Variants in AFG2A observed in about 807,000 individuals in gnomAD.
AFG2A encodes the protein AAA ATPase AFG2A, also known as ATPase family gene 2 protein homolog A.
chr4:122,934,740 TATG>T, the AFG2A span: 1 of 1,552,210 alleles, frequency 6.4e-7, no homozygotes. Flanking sequence ...AGAGTTATGG[TATG>T]ATGTCTTCAG....
At chr4:123,281,984 A>AACT in the AFG2A span, among the ~76,000 whole-genome samples, 5 of 151,972 alleles carry the variant, frequency 3.3e-5, no homozygotes, top group Non-Finnish European at 7.4e-5. Context: ...AGGGCAGTGT[A>AACT]ACTACTGTAT....
the AFG2A span, among the ~76,000 whole-genome samples, chr4:123,106,380 C>T: frequency 5.3e-5 from 8 of 151,998 alleles, no homozygotes; most frequent in Non-Finnish European, 8.8e-5. Flanking sequence ...GCAATATTAG[C>T]TTTATTGTAG....
the AFG2A span, among the ~76,000 whole-genome samples, chr4:123,091,777 T>C: frequency 1.3e-5 from 2 of 152,244 alleles, no homozygotes; most frequent in African/African-American, 4.8e-5. Context: ...AAGTTCCTCA[T>C]CTATATCTAA....
chr4:122,936,375 G>T, the AFG2A span, among the ~76,000 whole-genome samples: 1 of 152,194 alleles, frequency 6.6e-6, no homozygotes, highest in Non-Finnish European at 1.5e-5. Flanking sequence ...AAGACATAGT[G>T]TTTGATAAGT....
chr4:123,051,174 CCTT>C, the AFG2A span, among the ~76,000 whole-genome samples: 1 of 151,400 alleles, frequency 6.6e-6, no homozygotes, highest in Non-Finnish European at 1.5e-5. Flanking sequence ...CTTTTCGTTT[CCTT>C]CTTTCTTACT....
the AFG2A span, among the ~76,000 whole-genome samples, chr4:123,299,163 A>G: frequency 7.1e-6 from 1 of 141,536 alleles, no homozygotes; most frequent in Non-Finnish European, 1.6e-5. Flanking sequence ...CTGTGCACGC[A>G]TGCATGTAGA....
chr4:123,261,292 A>G, the AFG2A span, among the ~76,000 whole-genome samples: 12 of 152,172 alleles, frequency 7.9e-5, no homozygotes, highest in African/African-American at 2.7e-4. Flanking sequence ...GTGTCTTTAC[A>G]CTAAAATTCT....
chr4:123,071,424 G>C, the AFG2A span, among the ~76,000 whole-genome samples: 1 of 151,500 alleles, frequency 6.6e-6, no homozygotes, highest in Non-Finnish European at 1.5e-5. Flanking sequence ...AGGTTGCGAT[G>C]AGCCGAGATG....
the AFG2A span, among the ~76,000 whole-genome samples, chr4:123,241,383 A>G: frequency 2.0e-5 from 3 of 152,180 alleles, no homozygotes; most frequent in East Asian, 3.9e-4. Flanking sequence ...AGAATCCTCA[A>G]TAAAATACTG....
the AFG2A span, among the ~76,000 whole-genome samples, chr4:123,297,464 G>A: frequency 6.6e-6 from 1 of 152,196 alleles, no homozygotes; most frequent in Non-Finnish European, 1.5e-5. Flanking sequence ...GCTCATGCCT[G>A]TGATCCCAGC....
the AFG2A span, chr4:122,934,720 G>C: frequency 6.3e-6 from 10 of 1,579,270 alleles, no homozygotes; most frequent in South Asian, 1.2e-4. Context: ...CAAACAGCCT[G>C]AGCTTTTCAA....
the AFG2A span, among the ~76,000 whole-genome samples, chr4:123,254,806 A>T: frequency 0.57 from 87,016 of 152,068 alleles, 26,915 homozygotes; most frequent in Non-Finnish European, 0.67. Flanking sequence ...CATTAGTTGT[A>T]AAATAATGTA....
At chr4:123,311,706 CAA>C in the AFG2A span, among the ~76,000 whole-genome samples, 3 of 150,108 alleles carry the variant, frequency 2.0e-5, no homozygotes, top group Admixed American at 2.0e-4. Context: ...AGTGATTCTG[CAA>C]AGAGGAATGC....
At chr4:122,979,175 T>A in the AFG2A span, 1 of 1,567,222 alleles carries the variant, frequency 6.4e-7, no homozygotes, top group Non-Finnish European at 8.6e-7. Flanking sequence ...AGCCATCAAT[T>A]CAGTCTGTAT....
chr4:123,067,518 C>G, the AFG2A span, among the ~76,000 whole-genome samples: 1,833 of 151,188 alleles, frequency 0.012, 43 homozygotes, highest in African/African-American at 0.041. Context: ...CTCCATCCCC[C>G]CCAAAAAAAA....
At chr4:123,174,973 AGCTGCATGCCACCAT>A in the AFG2A span, among the ~76,000 whole-genome samples, 1 of 152,090 alleles carries the variant, frequency 6.6e-6, no homozygotes, top group African/African-American at 2.4e-5. Context: ...CTGGGACAAC[AGCTGCATGCCACCAT>A]GCTTGGCTGA....
the AFG2A span, chr4:123,259,883 C>G: frequency 1.3e-5 from 2 of 152,142 alleles, no homozygotes; most frequent in Non-Finnish European, 2.9e-5. Context: ...TGACATAGGC[C>G]AAAGACTGAT....
the AFG2A span, among the ~76,000 whole-genome samples, chr4:123,139,900 A>G: frequency 1.5e-4 from 23 of 152,086 alleles, no homozygotes; most frequent in Non-Finnish European, 3.4e-4. Flanking sequence ...TTTCAGACTG[A>G]TACCCATTAT....
the AFG2A span, among the ~76,000 whole-genome samples, chr4:122,927,465 A>G: frequency 6.6e-6 from 1 of 152,196 alleles, no homozygotes; most frequent in Non-Finnish European, 1.5e-5. Flanking sequence ...AAAGCATTTG[A>G]TTTTAAATCT....
Sources: allele counts gnomAD v4.1 joint callset (sites outside exome capture counted in the v4.1 genomes callset), GRCh38; gene constraint gnomAD v4.1.1; transcripts MANE v1.5; gene names NCBI Gene and HGNC (gene_info 2026-07-23, HGNC 2026-07-21).